MALRD1: variants seen among roughly 807,000 people sequenced by gnomAD.
MALRD1 encodes MAM and LDL-receptor class A domain-containing protein 1.
In MALRD1, 247 loss-of-function variants were observed where a neutral mutation model predicts 242.1. The observed-to-expected ratio is 1.02, with a 90% CI of 0.92 to 1.13. The LOEUF (loss-of-function observed/expected upper bound fraction) is 1.13. MALRD1 is among the 50% of genes most tolerant of loss of function. The pLI is 0.00. For synonymous variants in MALRD1, 995 were observed against 866.6 expected, an observed-to-expected ratio of 1.15 and a Z score of -2.60; for missense variants, 2,989 against 2,533.1, an observed-to-expected ratio of 1.18 and a Z score of -3.86.
chr10:19,628,872 A>T (rs73595879), intron 36 of MALRD1, among the ~76,000 whole-genome samples: 10,056 of 152,206 alleles, frequency 0.066, 815 homozygotes, highest in African/African-American at 0.19. Context: ...CTGCGGATGA[A>T]TGTGCCCGTC....
intron 33 of MALRD1, among the ~76,000 whole-genome samples, chr10:19,594,071 G>T (rs1321097766): frequency 3.3e-5 from 5 of 152,128 alleles, no homozygotes; most frequent in African/African-American, 1.2e-4. Flanking sequence ...CCTGGGTGGA[G>T]GCCACTAAGA....
intron 31 of MALRD1, among the ~76,000 whole-genome samples, chr10:19,502,268 A>G (rs1044234426): frequency 6.6e-6 from 1 of 152,012 alleles, no homozygotes; most frequent in Admixed American, 6.5e-5. Flanking sequence ...TTTTTAAAAT[A>G]TAAATAAGCA....
chr10:19,147,942 C>T (rs207470731), intron 11 of MALRD1, among the ~76,000 whole-genome samples: 3 of 151,988 alleles, frequency 2.0e-5, no homozygotes, highest in Non-Finnish European at 4.4e-5. Context: ...GGATGAAAGA[C>T]GTGTGTGATT....
chr10:19,577,904 GT>G (rs1836909536), intron 33 of MALRD1, among the ~76,000 whole-genome samples: 1 of 152,054 alleles, frequency 6.6e-6, no homozygotes, highest in South Asian at 2.1e-4. Context: ...GCATCCAAAT[GT>G]TTTACCAGGC....
At chr10:19,630,161 C>A (rs1165980524) in intron 36 of MALRD1, among the ~76,000 whole-genome samples, 1 of 151,982 alleles carries the variant, frequency 6.6e-6, no homozygotes, top group East Asian at 1.9e-4. Flanking sequence ...TTCCTTATGT[C>A]CATCAGGGAA....
intron 28 of MALRD1, among the ~76,000 whole-genome samples, chr10:19,449,825 C>T (rs1564351744): frequency 6.6e-6 from 1 of 152,114 alleles, no homozygotes; most frequent in South Asian, 2.1e-4. Context: ...ACACGTACCC[C>T]TGAACCTAAA....
At chr10:19,252,421 A>G (rs943966967) in intron 18 of MALRD1, among the ~76,000 whole-genome samples, 3 of 152,052 alleles carry the variant, frequency 2.0e-5, no homozygotes, top group African/African-American at 7.2e-5. Flanking sequence ...ATGCCTAAGT[A>G]GACACTCATT....
intron 12 of MALRD1, among the ~76,000 whole-genome samples, chr10:19,156,685 A>G (rs867561841): frequency 4.6e-5 from 7 of 152,282 alleles, no homozygotes; most frequent in Middle Eastern, 3.4e-3. Context: ...ACTCACCTAG[A>G]GTCACTGAGA....
intron 2 of MALRD1, among the ~76,000 whole-genome samples, chr10:19,070,450 T>C (rs1391468159): frequency 1.3e-5 from 2 of 152,168 alleles, no homozygotes; most frequent in African/African-American, 2.4e-5. Context: ...TTCACCATCA[T>C]AAAGCAGAAA....
intron 18 of MALRD1, among the ~76,000 whole-genome samples, chr10:19,246,632 C>T (rs909737837): frequency 1.3e-5 from 2 of 152,040 alleles, no homozygotes; most frequent in African/African-American, 2.4e-5. Context: ...AGAACTCAGG[C>T]TTATCTTGTG....
chr10:19,134,040 A>G (rs979816129), intron 9 of MALRD1, 92 bp downstream of exon 9: 3 of 517,922 alleles, frequency 5.8e-6, no homozygotes, highest in African/African-American at 2.0e-5. Flanking sequence ...AAGTTAAATT[A>G]GCAGTTAAGT....
At chr10:19,389,380 C>A in intron 27 of MALRD1, 72 bp from the exon 28 acceptor site, 2 of 1,457,654 alleles carry the variant, frequency 1.4e-6, no homozygotes, top group Non-Finnish European at 1.9e-6. Context: ...AAGACCCTAA[C>A]TATGATGGAA....
intron 32 of MALRD1, among the ~76,000 whole-genome samples, chr10:19,553,121 A>T (rs1835563597): frequency 6.6e-6 from 1 of 152,106 alleles, no homozygotes; most frequent in Non-Finnish European, 1.5e-5. Flanking sequence ...ACTCGTGTTC[A>T]CCTTATTCCA....
intron 12 of MALRD1, among the ~76,000 whole-genome samples, chr10:19,163,955 A>T (rs896153812): frequency 6.6e-6 from 1 of 152,242 alleles, no homozygotes; most frequent in Non-Finnish European, 1.5e-5. Flanking sequence ...CTGATGGGAC[A>T]TGCACATCTC....
At chr10:19,195,702 C>A (rs1836205755) in intron 14 of MALRD1, among the ~76,000 whole-genome samples, 1 of 152,132 alleles carries the variant, frequency 6.6e-6, no homozygotes, top group South Asian at 2.1e-4. Context: ...TTTCCTTATA[C>A]TCCACATCCA....
At chr10:19,587,343 A>G (rs375531752) in intron 33 of MALRD1, among the ~76,000 whole-genome samples, 2 of 152,186 alleles carry the variant, frequency 1.3e-5, no homozygotes, top group Non-Finnish European at 2.9e-5. Context: ...TACAATGAGC[A>G]TTTTTACTGT....
chr10:19,496,043 C>T (rs1490486648), intron 30 of MALRD1, among the ~76,000 whole-genome samples: 1 of 152,104 alleles, frequency 6.6e-6, no homozygotes, highest in African/African-American at 2.4e-5. Flanking sequence ...TATAGGCACC[C>T]AACACAGGAG....
At position 19,124,507 on chromosome 10, in the gene MALRD1, C is replaced by A; in HGVS notation, c.797-17C>A. 8.1e-7 allele frequency: 1 copy of A among 1,233,650 alleles called. No homozygotes were observed. The highest frequency in any genetic ancestry group is 4.1e-5 in the South Asian group (1 of 24,404). 76.4% of individuals were successfully genotyped at this position (1,233,650 alleles called of 1,614,324 possible). On this transcript the variant is annotated splice_polypyrimidine_tract_variant and intron_variant, in intron 6 of 39. Transcript: ENST00000454679. ...TAGCAGACTAATAGTCCACCAAGAT[C>A]TTTTTCTCCCGTTTAGTGTGTCAGG...
At chr10:19,702,525 G>A (rs904568406) in intron 38 of MALRD1, among the ~76,000 whole-genome samples, 1 of 152,038 alleles carries the variant, frequency 6.6e-6, no homozygotes, top group African/African-American at 2.4e-5. Context: ...TGGTATCTGG[G>A]ATTGTATGCA....
Sources: allele counts gnomAD v4.1 joint callset (sites outside exome capture counted in the v4.1 genomes callset), GRCh38; gene constraint gnomAD v4.1.1; transcripts MANE v1.5; gene names NCBI Gene and HGNC (gene_info 2026-07-23, HGNC 2026-07-21).